Variants in ST6GAL1 observed in about 807,000 individuals in gnomAD.
The protein encoded by ST6GAL1 is ST6 beta-galactoside alpha-2,6-sialyltransferase 1.
Under a neutral mutation model 38.0 loss-of-function variants are expected in ST6GAL1, and 20 were observed. That is an observed-to-expected ratio of 0.53 (90% CI 0.37 to 0.77). The LOEUF is 0.77. ST6GAL1 is among the 30% of genes least tolerant of loss of function. The pLI is 0.00. For synonymous variants in ST6GAL1, 196 were observed against 188.2 expected (o/e 1.04, Z -0.34); for missense variants, 432 against 496.4 (o/e 0.87, Z 1.23).
At chr3:186,957,528 G>T (rs1714787314) in intron 1 of ST6GAL1, among the ~76,000 whole-genome samples, 1 of 152,012 alleles carries the variant, frequency 6.6e-6, no homozygotes, top group Non-Finnish European at 1.5e-5. Context: ...CAGAAAAAGA[G>T]AATAGAGACA....
chr3:187,077,029 T>C lies in ST6GAL1; in HGVS notation c.*1226T>C, dbSNP rs1210546812. 2 of 398,736 alleles carry C rather than the reference T, an allele frequency of 5.0e-6. No homozygotes were observed. The highest frequency in any genetic ancestry group is 8.8e-6 in the Non-Finnish European group (2 of 226,018). The allele number at this position is 398,736 out of a possible 1,614,324, so 24.7% of individuals were successfully genotyped here. On this transcript the variant is annotated 3_prime_UTR_variant, in exon 8 of 8. Coordinates refer to ENST00000169298, the MANE Select transcript of ST6GAL1 (RefSeq NM_173216.2). ...TTAAAAGCATCCTGACCCCAATTTC[T>C]TTGAGCTCACGGGCCTTTTGCTGAA...
intron 5 of ST6GAL1, among the ~76,000 whole-genome samples, chr3:187,069,695 C>T (rs1300090730): frequency 6.6e-6 from 1 of 152,160 alleles, no homozygotes; most frequent in Non-Finnish European, 1.5e-5. Context: ...GTCCCCATAA[C>T]CTACTGAAGA....
intron 2 of ST6GAL1, among the ~76,000 whole-genome samples, chr3:187,004,240 G>A (rs1353501089): frequency 6.6e-6 from 1 of 152,258 alleles, no homozygotes; most frequent in Non-Finnish European, 1.5e-5. Context: ...CCATGCTTGT[G>A]CAGCCTGCAG....
rs751174576 is a variant in ST6GAL1, at chr3:187,076,831, G to C, written c.*1028G>C. ...TCTGAGGTAGCAAGTGCAGCCTCAC[G>C]ACAGATACCAGGCAATCCAGAGCCA... On this transcript the variant is annotated 3_prime_UTR_variant, in exon 8 of 8. Coordinates refer to ENST00000169298, the MANE Select transcript of ST6GAL1 (RefSeq NM_173216.2). 1 of 398,854 alleles carries C rather than the reference G, an allele frequency of 2.5e-6. No individual in the cohort carries two copies. The allele number at this position is 398,854 out of a possible 1,614,324, so 24.7% of individuals were successfully genotyped here. A position where few individuals can be genotyped will look rare whatever the true frequency, so the allele number is the denominator to read the frequency against.
At chr3:186,984,386 A>G (rs570864429) in intron 2 of ST6GAL1, among the ~76,000 whole-genome samples, 1 of 152,096 alleles carries the variant, frequency 6.6e-6, no homozygotes, top group East Asian at 1.9e-4. Context: ...AGCAGCTCCT[A>G]TTTTATTTGC....
chr3:187,020,532 C>T (rs537506489), intron 2 of ST6GAL1, among the ~76,000 whole-genome samples: 4 of 152,294 alleles, frequency 2.6e-5, no homozygotes, highest in Non-Finnish European at 5.9e-5. Context: ...AAACATACAT[C>T]GGCAAAGTCT....
chr3:186,977,280 G>A (rs1424545921), intron 2 of ST6GAL1, among the ~76,000 whole-genome samples: 3 of 152,052 alleles, frequency 2.0e-5, no homozygotes, highest in Admixed American at 6.6e-5. Context: ...TATCACCAGC[G>A]GTTTCCCTTA....
intron 2 of ST6GAL1, among the ~76,000 whole-genome samples, chr3:186,993,182 T>C (rs1392811450): frequency 6.6e-6 from 1 of 152,200 alleles, no homozygotes; most frequent in Non-Finnish European, 1.5e-5. Context: ...GGAGTTGAAA[T>C]AACAAGTTCT....
chr3:187,024,262 T>A (rs1449310684), intron 2 of ST6GAL1, among the ~76,000 whole-genome samples: 4 of 151,440 alleles, frequency 2.6e-5, no homozygotes, highest in East Asian at 1.9e-4. Context: ...CCTGGCTAAT[T>A]TTTTGTATTT....
At chr3:187,069,601 C>A (rs1367815022) in intron 5 of ST6GAL1, among the ~76,000 whole-genome samples, 2 of 152,208 alleles carry the variant, frequency 1.3e-5, no homozygotes, top group Non-Finnish European at 2.9e-5. Flanking sequence ...ACAACAGGAG[C>A]TTCTTTGTGG....
At chr3:186,971,127 C>G (rs68179718) in intron 2 of ST6GAL1, among the ~76,000 whole-genome samples, 10,466 of 152,306 alleles carry the variant, frequency 0.069, 396 homozygotes, top group South Asian at 0.12. Flanking sequence ...TCACTCTTGT[C>G]ACCCAGCCTG....
Position 187,075,927 on chromosome 3 carries a change from G to T in ST6GAL1, c.*124G>T. The T allele has an allele frequency of 7.0e-7, 1 of 1,432,036 alleles. No homozygotes were observed. Among genetic ancestry groups the T allele is most frequent in the Non-Finnish European group, 9.3e-7 (1 of 1,073,644 alleles). 88.7% of individuals were successfully genotyped at this position (1,432,036 alleles called of 1,614,324 possible). Reference sequence around the variant, plus strand: ...CCTTTTACTCTAGGGGCCTCTGTCAGCAAGACCATGGGGACTTCAAGAGCC... The same window carrying T: ...CCTTTTACTCTAGGGGCCTCTGTCATCAAGACCATGGGGACTTCAAGAGCC... On this transcript the variant is annotated 3_prime_UTR_variant, in exon 8 of 8. Transcript: ENST00000169298. The surrounding 1 kb of genome is among the most constrained non-coding windows in gnomAD (Gnocchi z 4.1).
At chr3:187,037,631 A>G (rs1282991214) in intron 2 of ST6GAL1, among the ~76,000 whole-genome samples, 2 of 152,144 alleles carry the variant, frequency 1.3e-5, no homozygotes, top group Non-Finnish European at 1.5e-5. Flanking sequence ...CCTAGGCTGG[A>G]GTGCAGTGGC....
At chr3:186,991,630 C>T (rs1346452434) in intron 2 of ST6GAL1, among the ~76,000 whole-genome samples, 1 of 152,158 alleles carries the variant, frequency 6.6e-6, no homozygotes, top group African/African-American at 2.4e-5. Context: ...CTGGCCTCTC[C>T]GAGTCTCACC....
intron 5 of ST6GAL1, among the ~76,000 whole-genome samples, chr3:187,056,266 A>C (rs1044949020): frequency 2.0e-5 from 3 of 152,172 alleles, no homozygotes; most frequent in African/African-American, 7.2e-5. Context: ...CCAATTTGCC[A>C]GCCTGTATCT....
chr3:187,020,480 C>T (rs1032760973), intron 2 of ST6GAL1, among the ~76,000 whole-genome samples: 6 of 152,280 alleles, frequency 3.9e-5, no homozygotes, highest in African/African-American at 1.2e-4. Flanking sequence ...ACCTGCTGTT[C>T]ATTACAGTTG....
chr3:187,040,895 G>A (rs1427671783), intron 3 of ST6GAL1, among the ~76,000 whole-genome samples: 1 of 152,190 alleles, frequency 6.6e-6, no homozygotes, highest in Middle Eastern at 3.2e-3. Flanking sequence ...CTGGGATGGT[G>A]GAAGCACTGC....
intron 1 of ST6GAL1, among the ~76,000 whole-genome samples, chr3:186,949,777 C>T (rs1651470319): frequency 6.6e-6 from 1 of 152,236 alleles, no homozygotes; most frequent in African/African-American, 2.4e-5. Context: ...TGCCACTTCT[C>T]AGGTGTGCAA....
chr3:187,064,996 CTTCT>C (rs200094408), intron 5 of ST6GAL1, among the ~76,000 whole-genome samples: 2,780 of 120,844 alleles, frequency 0.023, 89 homozygotes, highest in African/African-American at 0.075. Context: ...CAGCAGCTCT[CTTCT>C]TTTTCTTTTT....
Sources: gnomAD v4.1 joint callset for allele counts (sites outside exome capture counted in the v4.1 genomes callset) on GRCh38, gnomAD v4.1.1 for gene constraint, Gnocchi (gnomAD v3.1) non-coding constraint, MANE v1.5 for transcripts, NCBI Gene and HGNC (gene_info 2026-07-23, HGNC 2026-07-21) for gene names.